The following RSRP1 variants were observed in gnomAD, a reference collection of about 807,000 sequenced individuals.
The protein encoded by RSRP1 is arginine and serine rich protein 1, also known as arginine/serine-rich protein 1.
In RSRP1, 37 loss-of-function variants were observed where a neutral mutation model predicts 33.0. The ratio of observed to expected loss-of-function variants is 1.12; its 90% CI spans 0.86 to 1.48. The LOEUF is 1.48. Among genes scored for constraint, RSRP1 ranks in the 40% most tolerant of loss-of-function variants. RSRP1 has a pLI of 0.00. For synonymous variants in RSRP1, 167 were observed against 158.7 expected, an observed-to-expected ratio of 1.05 and a Z score of -0.40; for missense variants, 402 against 385.3, an observed-to-expected ratio of 1.04 and a Z score of -0.36.
In RSRP1 at chr1:25,320,953, A is replaced by G. The variant is rs201809298; in HGVS notation, c.-67+17025T>C. 6.1e-5 allele frequency among the ~76,000 whole-genome samples: 8 copies of G among 131,366 alleles called. 2 individuals carry two copies. Among genetic ancestry groups the G allele is most frequent in the Non-Finnish European group, 7.2e-5 (4 of 55,372 alleles). The allele number at this position is 131,366 out of a possible 152,430, so 86.2% of individuals were successfully genotyped here. A position where few individuals can be genotyped will look rare whatever the true frequency, so the allele number is the denominator to read the frequency against. ...CAGCTACTTGGGAGGCTGAGGTGGG[A>G]GGGTTGCTTGACCCCGGGAGTTTGA... On this transcript the variant is annotated intron_variant, in intron 1 of 1. Coordinates refer to the RSRP1 transcript ENST00000561867.
At chr1:25,261,289 T>C (rs1240492145) in intron 1 of RSRP1, among the ~76,000 whole-genome samples, 2 of 152,200 alleles carry the variant, frequency 1.3e-5, no homozygotes, top group African/African-American at 2.4e-5. Context: ...ACGGACAATA[T>C]ATACAAAGAT....
chr1:25,280,062 G>A (rs1339748660), intron 1 of RSRP1, among the ~76,000 whole-genome samples: 1 of 129,456 alleles, frequency 7.7e-6, no homozygotes, highest in East Asian at 2.0e-4. Context: ...GGCAGGGGGA[G>A]GAGAAGCCTG....
rs559716390 is a variant in RSRP1, at chr1:25,287,849, G to A, written c.-66-40820C>T. On this transcript the variant is annotated intron_variant, in intron 1 of 1. Transcript: ENST00000561867. Reference sequence around the variant, plus strand: ...TGATCCTCCCACCTCAGCCTCCTGAGTTAAATTTTTTTACAGGCGCCTGCT... The same window carrying A: ...TGATCCTCCCACCTCAGCCTCCTGAATTAAATTTTTTTACAGGCGCCTGCT... Among the ~76,000 whole-genome samples, 116 of 93,924 alleles carry A rather than the reference G, an allele frequency of 1.2e-3. 12 individuals carry two copies. The highest frequency in any genetic ancestry group is 3.1e-3 in the African/African-American group (111 of 35,326). The allele number at this position is 93,924 out of a possible 152,430, so 61.6% of individuals were successfully genotyped here. A position where few individuals can be genotyped will look rare whatever the true frequency, so the allele number is the denominator to read the frequency against.
chr1:25,276,124 A>C lies in RSRP1; in HGVS notation c.-66-29095T>G, dbSNP rs1330193250. 1.5e-5 allele frequency among the ~76,000 whole-genome samples: 2 copies of C among 132,050 alleles called. 1 individual carries two copies. Among genetic ancestry groups the C allele is most frequent in the Non-Finnish European group, 3.6e-5 (2 of 55,930 alleles). 86.6% of individuals were successfully genotyped at this position (132,050 alleles called of 152,430 possible). On this transcript the variant is annotated intron_variant, in intron 1 of 1. Transcript: ENST00000561867. Reference sequence around the variant, plus strand: ...GACAATCAGGAAATCTGAATATAGCATGAATATCTTACGATATACAAGGAT... The same window carrying C: ...GACAATCAGGAAATCTGAATATAGCCTGAATATCTTACGATATACAAGGAT...
intron 1 of RSRP1, among the ~76,000 whole-genome samples, chr1:25,296,633 C>T (rs599286): frequency 1.3e-4 from 17 of 131,534 alleles, no homozygotes; most frequent in African/African-American, 4.5e-4. Flanking sequence ...GGCATGACCT[C>T]GTGGGAGGTG....
chr1:25,256,421 G>T (rs919432841), intron 1 of RSRP1, among the ~76,000 whole-genome samples: 1 of 152,068 alleles, frequency 6.6e-6, no homozygotes, highest in Admixed American at 6.5e-5. Context: ...AAAGCACTGC[G>T]ATTACAGGCA....
At chr1:25,281,857 C>T (rs1232958185) in intron 1 of RSRP1, among the ~76,000 whole-genome samples, 1 of 132,708 alleles carries the variant, frequency 7.5e-6, no homozygotes, top group African/African-American at 2.6e-5. Flanking sequence ...AGTGTCCTCC[C>T]TTGTCCTCTC....
rs889799584 is a variant in RSRP1 at position 25,246,515 on chromosome 1, T to A, written c.449A>T (p.Glu150Val). ...GGATCTGTCCCTCCATCTGCTGTGCTCCTCCGGGTACACTGTGCGACCAAA... is the reference window on the plus strand; with the variant it reads ...GGATCTGTCCCTCCATCTGCTGTGCACCTCCGGGTACACTGTGCGACCAAA... Reference protein sequence around the residue: ...YGFGRTVYPEEHSRWRDRSRT... With the variant: ...YGFGRTVYPEVHSRWRDRSRT... Residue 150 changes from glutamate to valine, a missense_variant, in exon 2 of 5, where the codon GAG (glutamate) becomes GTG (valine). Coordinates refer to ENST00000243189, the MANE Select transcript of RSRP1 (RefSeq NM_020317.5). 1 of 1,614,226 alleles carries A rather than the reference T, an allele frequency of 6.2e-7. No individual in the cohort carries two copies. The highest frequency in any genetic ancestry group is 1.7e-5 in the Admixed American group (1 of 60,032).
upstream of RSRP1, among the ~76,000 whole-genome samples, chr1:25,252,146 C>G (rs1639804482): frequency 1.3e-5 from 2 of 152,004 alleles, no homozygotes; most frequent in African/African-American, 4.8e-5. Context: ...TCACTGCAAC[C>G]TCCCTCTCCC....
chr1:25,330,152 T>C lies in RSRP1; in HGVS notation c.-67+7826A>G, dbSNP rs1215203921. 15 of 132,728 alleles carry C rather than the reference T, an allele frequency of 1.1e-4. 3 individuals carry two copies. The highest frequency in any genetic ancestry group is 4.0e-3 in the Middle Eastern group (1 of 248). 8.2% of individuals were successfully genotyped at this position (132,728 alleles called of 1,614,324 possible). A position where few individuals can be genotyped will look rare whatever the true frequency, so the allele number is the denominator to read the frequency against. On this transcript the variant is annotated intron_variant, in intron 1 of 1. Coordinates refer to the RSRP1 transcript ENST00000561867. ...CAGCTCTCTGTGCACTGATTGCATA[T>C]GCATCCCAAGATTATATTATTGTTT...
chr1:25,248,349 CTTT>C (rs36069810), upstream of RSRP1: 19 of 88,068 alleles, frequency 2.2e-4, no homozygotes, highest in South Asian at 9.1e-4. Flanking sequence ...GGTTAATTGC[CTTT>C]TTTTTTTTTT....
upstream of RSRP1, among the ~76,000 whole-genome samples, chr1:25,251,586 C>T (rs1265417681): frequency 6.6e-6 from 1 of 152,126 alleles, no homozygotes; most frequent in African/African-American, 2.4e-5. Context: ...TCAGGCTGAT[C>T]TCCAACTCCC....
Position 25,279,072 on chromosome 1 carries a change from G to A in RSRP1, c.-66-32043C>T, listed in dbSNP as rs185690508. 2.3e-3 allele frequency among the ~76,000 whole-genome samples: 293 copies of A among 128,832 alleles called. 62 individuals carry two copies. The highest frequency in any genetic ancestry group is 8.1e-3 in the Middle Eastern group (2 of 246). 84.5% of individuals were successfully genotyped at this position (128,832 alleles called of 152,430 possible). ...GGAGGGGGCGCAGATCCAGAATCAC[G>A]GAGGCAGCTGACCGGAGGAGGCAGC... On this transcript the variant is annotated intron_variant, in intron 1 of 1. Coordinates refer to the RSRP1 transcript ENST00000561867.
At chr1:25,257,205 A>G (rs938083294) in intron 1 of RSRP1, among the ~76,000 whole-genome samples, 1 of 152,208 alleles carries the variant, frequency 6.6e-6, no homozygotes, top group East Asian at 1.9e-4. Flanking sequence ...TCCTCCAATT[A>G]TAGGTTATCC....
intron 1 of RSRP1, among the ~76,000 whole-genome samples, chr1:25,315,145 ACT>A (rs1351032285): frequency 7.8e-6 from 1 of 128,042 alleles, no homozygotes; most frequent in Non-Finnish European, 1.8e-5. Flanking sequence ...ACACAGCAAG[ACT>A]CCATCTCAAA....
Position 25,246,556 on chromosome 1 carries a change from TC to T in RSRP1, c.407del (p.Gly136AspfsTer35), listed in dbSNP as rs779149961. On this transcript the variant is annotated frameshift_variant, in exon 2 of 5. Transcript: ENST00000243189. LOFTEE classifies it high-confidence loss of function. The part of the protein sequence containing the change: ...YCGRAYAIAR[G>X]QRYYGFGRTV... ...TGCGACCAAAGCCGTAGTAGCGCTG[TC>T]CCCGCGCGATCGCGTACGCCCTTCC... 10 of 1,614,164 alleles carry T rather than the reference TC, an allele frequency of 6.2e-6. No individual in the cohort carries two copies. Among genetic ancestry groups the T allele is most frequent in the African/African-American group, 1.3e-5 (1 of 75,050 alleles).
At chr1:25,285,256 G>T (rs147431019) in intron 1 of RSRP1, among the ~76,000 whole-genome samples, 2,602 of 132,486 alleles carry the variant, frequency 0.02, 344 homozygotes, top group African/African-American at 0.063. Context: ...TGCCTCAGCC[G>T]CCTGAGTAGC....
chr1:25,314,181 T>C (rs1043299431), intron 1 of RSRP1, among the ~76,000 whole-genome samples: 5 of 133,108 alleles, frequency 3.8e-5, no homozygotes, highest in African/African-American at 1.0e-4. Flanking sequence ...CTCTAGTAGT[T>C]TGCGCCAATC....
intron 1 of RSRP1, among the ~76,000 whole-genome samples, chr1:25,313,861 T>C (rs1390879493): frequency 1.5e-5 from 2 of 132,916 alleles, no homozygotes; most frequent in Admixed American, 7.3e-5. Context: ...TAAACAACTT[T>C]GGCCATTAGT....
Sources: gnomAD v4.1 joint callset for allele counts (sites outside exome capture counted in the v4.1 genomes callset) on GRCh38, gnomAD v4.1.1 for gene constraint, MANE v1.5 for transcripts, NCBI Gene and HGNC (gene_info 2026-07-23, HGNC 2026-07-21) for gene names.